Variants in CDK20 observed in about 807,000 individuals in gnomAD.
CDK20 encodes the protein cyclin-dependent kinase 20.
A neutral mutation model predicts 38.6 loss-of-function variants in CDK20; 40 were observed. The observed-to-expected ratio is 1.04, with a 90% confidence interval of 0.81 to 1.35. CDK20 has a LOEUF of 1.35. Ranked by LOEUF, CDK20 falls within the 40% of genes most tolerant of loss-of-function variation. The pLI is 0.00. For missense variants in CDK20, 512 were observed against 452.6 expected, an observed-to-expected ratio of 1.13 and a Z score of -1.19; for synonymous variants, 209 against 185.7, an observed-to-expected ratio of 1.13 and a Z score of -1.02.
intron 6 of CDK20, chr9:87,969,550 T>C: frequency 2.6e-6 from 2 of 768,236 alleles, no homozygotes; most frequent in Non-Finnish European, 4.1e-6. Context: ...ATGACGACTC[T>C]GTGCACAGCT....
chr9:87,973,322 CTCT>C (rs1456716920), intron 2 of CDK20, among the ~76,000 whole-genome samples: 1 of 152,198 alleles, frequency 6.6e-6, no homozygotes, highest in Non-Finnish European at 1.5e-5. Context: ...TTGCCTCTGT[CTCT>C]TGTTAGCACA....
chr9:87,970,417 C>G, intron 5 of CDK20, 151 bp downstream of exon 5: 1 of 700,952 alleles, frequency 1.4e-6, no homozygotes, highest in South Asian at 2.1e-5. Context: ...ACCCCAACCC[C>G]AAAGTGCTCA....
Position 87,970,647 on chromosome 9 carries a change from T to C in CDK20, c.501-17A>G. 1 of 1,613,904 alleles carries C rather than the reference T, an allele frequency of 6.2e-7. No homozygotes were observed. ...CGGTACCACCTGCGAGGAAGAGGGCTGGCAGGCACTGGGCTGAGAAAAGGA... is the reference window on the plus strand; with the variant it reads ...CGGTACCACCTGCGAGGAAGAGGGCCGGCAGGCACTGGGCTGAGAAAAGGA... On this transcript the variant is annotated splice_polypyrimidine_tract_variant and intron_variant, in intron 4 of 7. Coordinates refer to ENST00000325303, the MANE Select transcript of CDK20 (RefSeq NM_001039803.3).
intron 2 of CDK20, among the ~76,000 whole-genome samples, chr9:87,973,035 A>G (rs1829971325): frequency 6.6e-6 from 1 of 152,226 alleles, no homozygotes; most frequent in Admixed American, 6.5e-5. Flanking sequence ...TGGCACACAC[A>G]AATACACATT....
At chr9:87,974,335 C>A in intron 1 of CDK20, 37 bp downstream of exon 1, 1 of 1,587,126 alleles carries the variant, frequency 6.3e-7, no homozygotes. Flanking sequence ...GGCGGGGGCA[C>A]ACCCCCGCCA....
In CDK20 at chr9:87,970,910, AAAG is replaced by A; in HGVS notation, c.379-16_379-14del. The A allele has an allele frequency of 1.2e-6, 2 of 1,614,082 alleles. No homozygotes were observed. The highest frequency in any genetic ancestry group is 1.1e-5 in the South Asian group (1 of 91,064). ...CAGGTTTCAGGTCCTGGGAGTACCA[AAAG>A]AAGCATCAGTCCCTCCAAATCCCCC... On this transcript the variant is annotated splice_polypyrimidine_tract_variant and intron_variant, in intron 3 of 7. Coordinates refer to ENST00000325303, the MANE Select transcript of CDK20 (RefSeq NM_001039803.3).
At position 87,974,456 on chromosome 9, in the gene CDK20, G is replaced by A. The variant is rs575189852; in HGVS notation, c.-10C>T. ...TGCAGTACTGGTCCATCCCGCTGCA[G>A]TCGTGGGCCTGTGCCCCTGTGCCCC... On this transcript the variant is annotated 5_prime_UTR_variant, in exon 1 of 8. Transcript: ENST00000325303. The A allele has an allele frequency of 1.7e-5, 28 of 1,609,538 alleles. No individual in the cohort carries two copies. Among genetic ancestry groups the A allele is most frequent in the Non-Finnish European group, 2.3e-5 (27 of 1,178,576 alleles).
chr9:87,967,726 A>ATG, intron 7 of CDK20, 67 bp from the exon 8 acceptor site: 1 of 1,355,956 alleles, frequency 7.4e-7, no homozygotes, highest in Non-Finnish European at 9.9e-7. Flanking sequence ...CCTCAAGCAG[A>ATG]TGTTCCTTCA....
intron 6 of CDK20, 149 bp from the exon 7 acceptor site, chr9:87,969,498 A>T (rs1322256390): frequency 1.5e-5 from 13 of 883,592 alleles, no homozygotes; most frequent in Non-Finnish European, 2.2e-5. Context: ...TCATTCACTC[A>T]CCCACCCCTG....
chr9:87,974,114 TGAGA>T (rs1330235353), intron 1 of CDK20, 79 bp from the exon 2 acceptor site: 18 of 1,602,952 alleles, frequency 1.1e-5, no homozygotes, highest in Admixed American at 1.0e-4. Flanking sequence ...GGAAGGTGGT[TGAGA>T]GAGAGACACG....
In CDK20 at chr9:87,969,352, G is replaced by T; in HGVS notation, c.688-3C>A. 6.2e-7 allele frequency: 1 copy of T among 1,613,716 alleles called. No homozygotes were observed. Among genetic ancestry groups the T allele is most frequent in the Non-Finnish European group, 8.5e-7 (1 of 1,179,862 alleles). On this transcript the variant is annotated splice_region_variant and splice_polypyrimidine_tract_variant and intron_variant, in intron 6 of 7. Transcript: ENST00000325303. ...TAGTCCGGCAGCTCAGTGAGCTCCT[G>T]GGCCAGGGAGAAGGAACAGGGTACA...
rs1207191239 is a variant in CDK20, at chr9:87,966,732, CAT to C, written c.*728_*729del. On this transcript the variant is annotated 3_prime_UTR_variant, in exon 8 of 8. Transcript: ENST00000325303. ...GGAGTAGATGTTGGTAAACCAGCCT[CAT>C]GTGCAGAGGGTCTCCTGCTGGATCC... The C allele has an allele frequency of 3.5e-6, 1 of 283,894 alleles. No homozygotes were observed. The highest frequency in any genetic ancestry group is 6.9e-6 in the Non-Finnish European group (1 of 143,962). 17.6% of individuals were successfully genotyped at this position (283,894 alleles called of 1,614,324 possible). A position where few individuals can be genotyped will look rare whatever the true frequency, so the allele number is the denominator to read the frequency against.
Position 87,969,186 on chromosome 9 carries a change from C to T in CDK20, c.843+8G>A. ...TGAAGGAGCAGAGACTACAGCCTCT[C>T]CCCCTACCTTGGAAGCTGCGATGCG... On this transcript the variant is annotated splice_region_variant and intron_variant, in intron 7 of 7. Coordinates refer to ENST00000325303, the MANE Select transcript of CDK20 (RefSeq NM_001039803.3). 1 of 1,613,234 alleles carries T rather than the reference C, an allele frequency of 6.2e-7. No homozygotes were observed. Among genetic ancestry groups the T allele is most frequent in the East Asian group, 2.2e-5 (1 of 44,888 alleles).
chr9:87,972,118 T>A (rs1829904288), intron 2 of CDK20, among the ~76,000 whole-genome samples: 1 of 151,870 alleles, frequency 6.6e-6, no homozygotes, highest in Non-Finnish European at 1.5e-5. Flanking sequence ...GGTGGGAGGA[T>A]CACCTGAGCC....
intron 2 of CDK20, among the ~76,000 whole-genome samples, chr9:87,971,946 G>A (rs1010031169): frequency 4.6e-5 from 7 of 152,232 alleles, no homozygotes; most frequent in East Asian, 1.9e-4. Context: ...TCTCATGCCC[G>A]TAATCCCAGT....
At position 87,969,354 on chromosome 9, in the gene CDK20, G is replaced by A. The variant is rs777573715; in HGVS notation, c.688-5C>T. On this transcript the variant is annotated splice_region_variant and splice_polypyrimidine_tract_variant and intron_variant, in intron 6 of 7. Coordinates refer to ENST00000325303, the MANE Select transcript of CDK20 (RefSeq NM_001039803.3). ...GTCCGGCAGCTCAGTGAGCTCCTGGGCCAGGGAGAAGGAACAGGGTACAAT... is the reference window on the plus strand; with the variant it reads ...GTCCGGCAGCTCAGTGAGCTCCTGGACCAGGGAGAAGGAACAGGGTACAAT... The A allele has an allele frequency of 3.7e-6, 6 of 1,613,590 alleles. No individual in the cohort carries two copies. The East Asian group carries it at 8.9e-5, about 24-fold the overall frequency.
intron 2 of CDK20, among the ~76,000 whole-genome samples, chr9:87,973,307 C>T (rs1829993050): frequency 6.6e-6 from 1 of 152,170 alleles, no homozygotes. Context: ...ACTAGGTGGG[C>T]CCTGTTGCCT....
In CDK20 at chr9:87,967,000, C is replaced by T. The variant is rs1233412668; in HGVS notation, c.*462G>A. 2.1e-6 allele frequency: 1 copy of T among 485,972 alleles called. No homozygotes were observed. The highest frequency in any genetic ancestry group is 4.1e-6 in the Non-Finnish European group (1 of 242,660). 30.1% of individuals were successfully genotyped at this position (485,972 alleles called of 1,614,324 possible). A position where few individuals can be genotyped will look rare whatever the true frequency, so the allele number is the denominator to read the frequency against. Reference sequence around the variant, plus strand: ...TGAGGTTTTTAGAATCTATATCTCACATACTGAACTAGTGTTTAATGGCTC... The same window carrying T: ...TGAGGTTTTTAGAATCTATATCTCATATACTGAACTAGTGTTTAATGGCTC... On this transcript the variant is annotated 3_prime_UTR_variant, in exon 8 of 8. Coordinates refer to ENST00000325303, the MANE Select transcript of CDK20 (RefSeq NM_001039803.3).
At chr9:87,972,945 T>TA (rs1319241098) in intron 2 of CDK20, among the ~76,000 whole-genome samples, 1 of 152,146 alleles carries the variant, frequency 6.6e-6, no homozygotes, top group Non-Finnish European at 1.5e-5. Flanking sequence ...AGGTAAGACA[T>TA]AAAATCCAAC....
Sources: gnomAD v4.1 joint callset for allele counts (sites outside exome capture counted in the v4.1 genomes callset) on GRCh38, gnomAD v4.1.1 for gene constraint, MANE v1.5 for transcripts, NCBI Gene and HGNC (gene_info 2026-07-23, HGNC 2026-07-21) for gene names.